Variants in DESI1 observed in about 807,000 individuals in gnomAD.
DESI1 encodes PPPDE peptidase domain containing 2.
Under a neutral mutation model 22.4 loss-of-function variants are expected in DESI1, and 17 were observed. The ratio of observed to expected loss-of-function variants is 0.76; its 90% CI spans 0.52 to 1.14. The LOEUF (loss-of-function observed/expected upper bound fraction) is 1.14, where lower values mean the gene tolerates loss of function less well. Ranked by LOEUF, DESI1 falls within the 50% of genes most tolerant of loss-of-function variation. DESI1 has a pLI of 0.00. For synonymous variants in DESI1, 92 were observed against 84.2 expected (o/e 1.09, Z -0.51); for missense variants, 177 against 208.9 (o/e 0.85, Z 0.94).
At position 41,600,888 on chromosome 22, in the gene DESI1, TATA is replaced by T. The variant is rs2067445901; in HGVS notation, c.*206_*208del. 1.8e-6 allele frequency: 1 copy of T among 561,994 alleles called. No individual in the cohort carries two copies. Among genetic ancestry groups the T allele is most frequent in the Non-Finnish European group, 3.2e-6 (1 of 312,850 alleles). 34.8% of individuals were successfully genotyped at this position (561,994 alleles called of 1,614,324 possible). A position where few individuals can be genotyped will look rare whatever the true frequency, so the allele number is the denominator to read the frequency against. ...AGACAAGACAGCCTTAATAAATTAGTATAATACTATTAGAAGGGGTGGCATTTT... is the reference window on the plus strand; with the variant it reads ...AGACAAGACAGCCTTAATAAATTAGTATACTATTAGAAGGGGTGGCATTTT... On this transcript the variant is annotated 3_prime_UTR_variant, in exon 6 of 6. Coordinates refer to ENST00000263256, the MANE Select transcript of DESI1 (RefSeq NM_015704.3).
At chr22:41,610,277 G>A (rs1188090988) in intron 1 of DESI1, among the ~76,000 whole-genome samples, 1 of 151,414 alleles carries the variant, frequency 6.6e-6, no homozygotes, top group African/African-American at 2.4e-5. Context: ...TACTCGGGAA[G>A]CTGAGGCAGG....
intron 1 of DESI1, among the ~76,000 whole-genome samples, chr22:41,611,591 C>CTT (rs132764): frequency 1.1e-4 from 11 of 103,892 alleles, no homozygotes; most frequent in East Asian, 3.0e-4. Context: ...CCTGTTCCTT[C>CTT]TTTTTTTTTT....
intron 1 of DESI1, among the ~76,000 whole-genome samples, chr22:41,614,916 A>G (rs1328942888): frequency 2.0e-5 from 3 of 149,932 alleles, no homozygotes; most frequent in Non-Finnish European, 4.4e-5. Context: ...TTTTTTTAAC[A>G]AAAAAGTTCC....
intron 1 of DESI1, 93 bp downstream of exon 1, chr22:41,620,659 C>T: frequency 1.6e-6 from 2 of 1,262,338 alleles, no homozygotes; most frequent in Non-Finnish European, 2.2e-6. Context: ...TGTGTCTCCC[C>T]GTGAGTCGTG....
intron 3 of DESI1, 98 bp from the exon 4 acceptor site, chr22:41,604,251 T>A: frequency 1.4e-3 from 113 of 82,756 alleles, no homozygotes; most frequent in Non-Finnish European, 1.9e-3. Flanking sequence ...CTGTTCTGAC[T>A]TTTTTTTTTT....
intron 3 of DESI1, among the ~76,000 whole-genome samples, chr22:41,604,988 T>A (rs2067470980): frequency 6.6e-6 from 1 of 152,168 alleles, no homozygotes; most frequent in South Asian, 2.1e-4. Context: ...TGCTGTCCAC[T>A]TACTCAGCTG....
At chr22:41,608,579 T>C (rs1186659582) in intron 1 of DESI1, among the ~76,000 whole-genome samples, 1 of 152,166 alleles carries the variant, frequency 6.6e-6, no homozygotes, top group Non-Finnish European at 1.5e-5. Flanking sequence ...GTCTAAAGCC[T>C]GCAGGGCAGA....
chr22:41,603,210 G>T, intron 5 of DESI1, 49 bp downstream of exon 5: 2 of 1,613,108 alleles, frequency 1.2e-6, no homozygotes, highest in Non-Finnish European at 1.7e-6. Context: ...CGTGAATGGG[G>T]ATTTTCAAGG....
chr22:41,620,536 C>T (rs1234110672), intron 1 of DESI1, among the ~76,000 whole-genome samples: 1 of 152,184 alleles, frequency 6.6e-6, no homozygotes, highest in Non-Finnish European at 1.5e-5. Flanking sequence ...TCCATCCCTT[C>T]CCCTTGAATT....
At chr22:41,617,946 T>C (rs2067560317) in intron 1 of DESI1, among the ~76,000 whole-genome samples, 1 of 152,226 alleles carries the variant, frequency 6.6e-6, no homozygotes, top group African/African-American at 2.4e-5. Context: ...GTCTCAGGGC[T>C]TTGGCAGGTT....
At chr22:41,607,785 T>TA (rs2147042276) in intron 2 of DESI1, 55 bp downstream of exon 2, 1 of 1,603,518 alleles carries the variant, frequency 6.2e-7, no homozygotes, top group Non-Finnish European at 8.5e-7. Flanking sequence ...CTGAAATGCA[T>TA]AGAGTGCTGC....
rs10523372 is a variant in DESI1, at chr22:41,614,590, C to CTTTTTTTTTTTTTTTTTT, written c.88+6161_88+6162insAAAAAAAAAAAAAAAAAA. Reference sequence around the variant, plus strand: ...TGAGCTACTGTGCCCGGCCTACATCCTTTTTTTTTTTTGAGATGGAGTCTC... The same window carrying CTTTTTTTTTTTTTTTTTT: ...TGAGCTACTGTGCCCGGCCTACATCCTTTTTTTTTTTTTTTTTTTTTTTTTTTTTTGAGATGGAGTCTC... On this transcript the variant is annotated intron_variant, in intron 1 of 5. Coordinates refer to ENST00000263256, the MANE Select transcript of DESI1 (RefSeq NM_015704.3). Among the ~76,000 whole-genome samples the CTTTTTTTTTTTTTTTTTT allele has an allele frequency of 4.1e-4, 35 of 85,722 alleles. 1 individual carries two copies. The highest frequency in any genetic ancestry group is 6.3e-4 in the Non-Finnish European group (29 of 46,162). 56.2% of individuals were successfully genotyped at this position (85,722 alleles called of 152,430 possible).
At chr22:41,601,225 C>T (rs769170953) in intron 5 of DESI1, 35 bp from the exon 6 acceptor site, 7 of 1,572,548 alleles carry the variant, frequency 4.5e-6, no homozygotes, top group Non-Finnish European at 6.0e-6. Flanking sequence ...GGGGTGGGCT[C>T]TGGGATGTGG....
intron 1 of DESI1, among the ~76,000 whole-genome samples, chr22:41,619,528 T>G (rs946877515): frequency 6.6e-6 from 1 of 152,246 alleles, no homozygotes; most frequent in African/African-American, 2.4e-5. Flanking sequence ...ATCCTTTGAT[T>G]TGCATATTTA....
chr22:41,609,028 GC>G (rs942776702), intron 1 of DESI1, among the ~76,000 whole-genome samples: 8 of 152,052 alleles, frequency 5.3e-5, no homozygotes, highest in Non-Finnish European at 1.2e-4. Context: ...TGCAACCTCT[GC>G]CCCCCGGGTT....
rs1055564673 is a variant in DESI1 at position 41,620,934 on chromosome 22, A to C, written c.-95T>G. The C allele has an allele frequency of 4.4e-6, 4 of 913,330 alleles. No individual in the cohort carries two copies. The highest frequency in any genetic ancestry group is 6.3e-6 in the Non-Finnish European group (4 of 634,500). 56.6% of individuals were successfully genotyped at this position (913,330 alleles called of 1,614,324 possible). A position where few individuals can be genotyped will look rare whatever the true frequency, so the allele number is the denominator to read the frequency against. On this transcript the variant is annotated 5_prime_UTR_variant, in exon 1 of 6. Transcript: ENST00000263256. The stretch of plus-strand genomic sequence containing the variant: ...CGACGGGAGTGCGAAGCGGAGGGAG[A>C]GGGGGGGACCGAGCCCGGGCCCGGG...
chr22:41,618,563 A>G (rs1404689289), intron 1 of DESI1, among the ~76,000 whole-genome samples: 1 of 152,180 alleles, frequency 6.6e-6, no homozygotes, highest in Non-Finnish European at 1.5e-5. Flanking sequence ...ACTAGCATAG[A>G]GCAGACGCTC....
chr22:41,602,260 C>A, intron 5 of DESI1: 1 of 985,444 alleles, frequency 1.0e-6, no homozygotes, highest in Non-Finnish European at 1.2e-6. Flanking sequence ...CTAATTCAGA[C>A]AATTCCAGGA....
chr22:41,603,433 T>C lies in DESI1; in HGVS notation c.291-52A>G, dbSNP rs780412264. On this transcript the variant is annotated intron_variant, in intron 4 of 5. Transcript: ENST00000263256. ...TATATGAGAAACCAGCAAGCGTCTA[T>C]GTGGAATAACTCAAGCTAGGCAGTG... The C allele has an allele frequency of 1.9e-6, 3 of 1,612,238 alleles. No individual in the cohort carries two copies. In the East Asian group the frequency reaches 6.7e-5, roughly 36 times the overall value.
Sources: allele counts gnomAD v4.1 joint callset (sites outside exome capture counted in the v4.1 genomes callset), GRCh38; gene constraint gnomAD v4.1.1; transcripts MANE v1.5; gene names NCBI Gene and HGNC (gene_info 2026-07-23, HGNC 2026-07-21).